Variants in ARNT observed in about 807,000 individuals in gnomAD.
The protein encoded by ARNT is class E basic helix-loop-helix protein 2.
Under a neutral mutation model 105.0 loss-of-function variants are expected in ARNT, and 30 were observed. The ratio of observed to expected loss-of-function variants is 0.29; its 90% confidence interval spans 0.21 to 0.39. The LOEUF (loss-of-function observed/expected upper bound fraction) is 0.39, where lower values mean the gene tolerates loss of function less well. Among genes scored for constraint, ARNT ranks in the 10% least tolerant of loss-of-function variants. The pLI is 1.00. For missense variants in ARNT, 748 were observed against 978.7 expected, an observed-to-expected ratio of 0.76 and a Z score of 3.15; for synonymous variants, 304 against 344.0, an observed-to-expected ratio of 0.88 and a Z score of 1.29.
At chr1:150,853,144 G>C in intron 2 of ARNT, 1 of 314,768 alleles carries the variant, frequency 3.2e-6, no homozygotes, top group Non-Finnish European at 6.2e-6. Context: ...AGCTGGGCAT[G>C]GTGGCGGGTG....
intron 1 of ARNT, among the ~76,000 whole-genome samples, chr1:150,864,423 T>C (rs912661854): frequency 2.0e-5 from 3 of 151,990 alleles, no homozygotes; most frequent in Non-Finnish European, 4.4e-5. Flanking sequence ...CATGGAATAC[T>C]ATGCAGCCAT....
chr1:150,865,870 C>T (rs755941201), intron 1 of ARNT, among the ~76,000 whole-genome samples: 12 of 152,028 alleles, frequency 7.9e-5, no homozygotes, highest in Admixed American at 1.3e-4. Context: ...GTAAGAAATG[C>T]CTTGGATGTA....
intron 1 of ARNT, among the ~76,000 whole-genome samples, chr1:150,869,033 G>T (rs1375042994): frequency 1.3e-5 from 2 of 152,118 alleles, no homozygotes; most frequent in African/African-American, 4.8e-5. Flanking sequence ...AAACTGAGGA[G>T]TGAGAATCGC....
intron 14 of ARNT, among the ~76,000 whole-genome samples, chr1:150,822,652 T>C (rs1261524473): frequency 6.6e-6 from 1 of 152,182 alleles, no homozygotes; most frequent in African/African-American, 2.4e-5. Flanking sequence ...ATATCCTTTA[T>C]AATAAACTGG....
At position 150,810,826 on chromosome 1, in the gene ARNT, T is replaced by C. The variant is rs748669896; in HGVS notation, c.*1195A>G. ...CTAAAGCAAAACCCAATCTCAAGAT[T>C]GGAGGGAGCAAAGAGGAAAAACCTC... is the stretch of plus-strand genomic sequence containing the variant. On this transcript the variant is annotated 3_prime_UTR_variant, in exon 22 of 22. Coordinates refer to ENST00000358595, the MANE Select transcript of ARNT (RefSeq NM_001668.4). 5.4e-4 allele frequency: 119 copies of C among 222,002 alleles called. No homozygotes were observed. The highest frequency in any genetic ancestry group is 7.9e-4 in the Non-Finnish European group (87 of 110,506). The allele number at this position is 222,002 out of a possible 1,614,324, so 13.8% of individuals were successfully genotyped here.
rs143491065 is a variant in ARNT, at chr1:150,818,011, G to A, written c.1414C>T (p.Arg472Trp). 34 of 1,612,336 alleles carry A rather than the reference G, an allele frequency of 2.1e-5. No individual in the cohort carries two copies. Among genetic ancestry groups the A allele is most frequent in the African/African-American group, 6.7e-5 (5 of 74,510 alleles). ...TNVKNSSQEP[R>W]PTLSNTIQRP... ...TGGATTGTGTTGGAGAGTGTAGGCCGTGGTTCTTGGCTAGAGTTCCTAGGA... is the reference window on the plus strand; with the variant it reads ...TGGATTGTGTTGGAGAGTGTAGGCCATGGTTCTTGGCTAGAGTTCCTAGGA... Residue 472 changes from arginine (R) to tryptophan (W), a missense_variant, in exon 15 of 22, where the codon CGG (arginine) becomes TGG (tryptophan). Physicochemically the swap from Arg to Trp is moderately radical, Grantham distance 101 (BLOSUM62 -3). Coordinates refer to ENST00000358595, the MANE Select transcript of ARNT (RefSeq NM_001668.4).
In ARNT at chr1:150,846,280, A is replaced by T; in HGVS notation, c.210T>A (p.Asp70Glu). The T allele has an allele frequency of 1.2e-6, 2 of 1,613,748 alleles. No individual in the cohort carries two copies. The highest frequency in any genetic ancestry group is 1.7e-6 in the Non-Finnish European group (2 of 1,179,700). Residue 70 changes from aspartate (D) to glutamate (E), a missense_variant, in exon 4 of 22, where the codon GAT (aspartate) becomes GAA (glutamate). This residue lies in a region of ARNT where 93 missense variants were observed against 101.6 expected (regional missense o/e 0.92). Transcript: ENST00000358595. Reference sequence around the variant, plus strand: ...AATATTACCTGGCAAACCGCTCCTTATCGTTAGACATCTGATCATCATCAC... The same window carrying T: ...AATATTACCTGGCAAACCGCTCCTTTTCGTTAGACATCTGATCATCATCAC... ...LRCDDDQMSN[D>E]KERFARSDDE...
chr1:150,836,184 G>A, intron 7 of ARNT, 96 bp downstream of exon 7: 2 of 1,218,898 alleles, frequency 1.6e-6, no homozygotes, highest in Non-Finnish European at 2.3e-6. Context: ...CCTTGCCAGA[G>A]TCAACAAACC....
At chr1:150,859,808 G>A (rs1488442216) in intron 1 of ARNT, among the ~76,000 whole-genome samples, 6 of 152,182 alleles carry the variant, frequency 3.9e-5, no homozygotes, top group African/African-American at 7.2e-5. Flanking sequence ...CCAGGAGTTC[G>A]AGACTAGCCT....
At chr1:150,860,511 C>A (rs1665437525) in intron 1 of ARNT, among the ~76,000 whole-genome samples, 1 of 150,818 alleles carries the variant, frequency 6.6e-6, no homozygotes, top group Non-Finnish European at 1.5e-5. Flanking sequence ...CCACCGTGCC[C>A]AGCAGAAAAA....
At chr1:150,816,970 TG>T in intron 17 of ARNT, 80 bp from the exon 18 acceptor site, 1 of 1,600,804 alleles carries the variant, frequency 6.2e-7, no homozygotes, top group Admixed American at 1.7e-5. Flanking sequence ...TTTACTCAGG[TG>T]GTATTATGAT....
intron 12 of ARNT, among the ~76,000 whole-genome samples, chr1:150,828,754 A>G (rs1658779630): frequency 6.6e-6 from 1 of 152,224 alleles, no homozygotes; most frequent in African/African-American, 2.4e-5. Context: ...TTTATGGGCC[A>G]TTATTCATTT....
chr1:150,837,888 A>G (rs940052262), intron 6 of ARNT, among the ~76,000 whole-genome samples: 7 of 152,048 alleles, frequency 4.6e-5, no homozygotes, highest in Non-Finnish European at 5.9e-5. Context: ...TGCTCTTCCA[A>G]TATTCTTAAC....
intron 2 of ARNT, among the ~76,000 whole-genome samples, chr1:150,855,664 C>T (rs760225190): frequency 6.6e-6 from 1 of 151,194 alleles, no homozygotes; most frequent in Non-Finnish European, 1.5e-5. Flanking sequence ...CACTTTAGGA[C>T]GTCGAGATGG....
chr1:150,813,046 T>C, intron 21 of ARNT, 126 bp downstream of exon 21: 1 of 1,051,886 alleles, frequency 9.5e-7, no homozygotes, highest in Non-Finnish European at 1.4e-6. Flanking sequence ...TTTATCCCTC[T>C]CTGTCTTCTC....
At chr1:150,867,823 T>C (rs1036947062) in intron 1 of ARNT, among the ~76,000 whole-genome samples, 2 of 152,062 alleles carry the variant, frequency 1.3e-5, no homozygotes, top group Non-Finnish European at 2.9e-5. Context: ...TGAAAGTGTG[T>C]AGCACCTTCC....
At chr1:150,863,277 G>A (rs587646335) in intron 1 of ARNT, among the ~76,000 whole-genome samples, 18 of 150,844 alleles carry the variant, frequency 1.2e-4, no homozygotes, top group African/African-American at 3.7e-4. Context: ...CATGAGAATC[G>A]CCTGGGAGGC....
intron 2 of ARNT, among the ~76,000 whole-genome samples, chr1:150,857,210 CAT>C (rs987900728): frequency 4.2e-4 from 64 of 152,272 alleles, no homozygotes; most frequent in Admixed American, 3.9e-3. Flanking sequence ...TACACTGAAA[CAT>C]ATTTGTCGCT....
intron 1 of ARNT, among the ~76,000 whole-genome samples, chr1:150,869,950 C>G (rs1667189348): frequency 2.0e-5 from 3 of 152,126 alleles, no homozygotes; most frequent in Non-Finnish European, 4.4e-5. Context: ...GGTATTTCAC[C>G]CTTTTCATCT....
Sources: allele counts gnomAD v4.1 joint callset (sites outside exome capture counted in the v4.1 genomes callset), GRCh38; gene constraint gnomAD v4.1.1; regional missense constraint gnomAD v4.1.1; transcripts MANE v1.5; gene names NCBI Gene and HGNC (gene_info 2026-07-23, HGNC 2026-07-21).